Variants in BCAS3 observed in about 807,000 individuals in gnomAD.
BCAS3 encodes the protein BCAS3 microtubule associated cell migration factor, also known as BCAS4/BCAS3 fusion.
Under a neutral mutation model 116.1 loss-of-function variants are expected in BCAS3, and 53 were observed. The observed-to-expected ratio is 0.46, with a 90% CI of 0.37 to 0.57. BCAS3 has a LOEUF of 0.57. BCAS3 is among the 20% of genes least tolerant of loss of function. BCAS3 has a pLI of 0.00. For missense variants in BCAS3, 917 were observed against 1,165.4 expected (o/e 0.79, Z 3.10); for synonymous variants, 391 against 408.2 (o/e 0.96, Z 0.51).
intron 9 of BCAS3, among the ~76,000 whole-genome samples, chr17:60,879,376 C>G (rs911580194): frequency 6.6e-6 from 1 of 152,068 alleles, no homozygotes; most frequent in Admixed American, 6.5e-5. Flanking sequence ...ACAGCTGTGT[C>G]CATCAGAGCA....
rs1568424892 is a variant in BCAS3 at position 61,134,658 on chromosome 17, C to T, written c.2425+50094C>T. Among the ~76,000 whole-genome samples, 1 of 152,162 alleles carries T rather than the reference C, an allele frequency of 6.6e-6. No individual in the cohort carries two copies. The highest frequency in any genetic ancestry group is 1.5e-5 in the Non-Finnish European group (1 of 68,028). ...TAATGACATTTCAAGTTAATGATAG[C>T]TAGCATTGATGGAGCCTGTACTATA... On this transcript the variant is annotated intron_variant, in intron 22 of 23. Coordinates refer to ENST00000407086, the MANE Select transcript of BCAS3 (RefSeq NM_017679.5). The surrounding 1 kb of genome is among the most constrained non-coding windows in gnomAD (Gnocchi z 4.6).
At chr17:61,184,524 T>C (rs1238308579) in intron 22 of BCAS3, among the ~76,000 whole-genome samples, 1 of 152,178 alleles carries the variant, frequency 6.6e-6, no homozygotes, top group Non-Finnish European at 1.5e-5. Flanking sequence ...CAAAATGGTA[T>C]GTCCACTTTT....
intron 22 of BCAS3, among the ~76,000 whole-genome samples, chr17:61,295,393 A>C (rs2052795065): frequency 6.6e-6 from 1 of 152,238 alleles, no homozygotes; most frequent in Non-Finnish European, 1.5e-5. Context: ...GGATGAGCAG[A>C]GAACCCCTGT....
intron 8 of BCAS3, among the ~76,000 whole-genome samples, chr17:60,874,456 T>G (rs2055405529): frequency 6.6e-6 from 1 of 152,182 alleles, no homozygotes; most frequent in African/African-American, 2.4e-5. Flanking sequence ...TCTATCTTAT[T>G]TATATATAGG....
intron 22 of BCAS3, among the ~76,000 whole-genome samples, chr17:61,100,773 G>A (rs1367635020): frequency 6.6e-6 from 1 of 152,172 alleles, no homozygotes; most frequent in Non-Finnish European, 1.5e-5. Context: ...GAAGTGACAA[G>A]GAGACCATCT....
At chr17:61,197,516 G>A (rs2080552425) in intron 22 of BCAS3, among the ~76,000 whole-genome samples, 1 of 152,172 alleles carries the variant, frequency 6.6e-6, no homozygotes, top group Admixed American at 6.5e-5. Flanking sequence ...TTCTTGTAAT[G>A]ATCTGCCTGA....
intron 22 of BCAS3, among the ~76,000 whole-genome samples, chr17:61,298,790 C>CTTT: frequency 1.6e-5 from 2 of 124,188 alleles, no homozygotes; most frequent in African/African-American, 3.6e-5. Context: ...AGTCACATGC[C>CTTT]ATTATTTATT....
chr17:60,974,883 C>T (rs574649150), intron 14 of BCAS3, among the ~76,000 whole-genome samples: 11 of 151,766 alleles, frequency 7.2e-5, no homozygotes, highest in Non-Finnish European at 1.5e-4. Context: ...TTGAGTTTTT[C>T]TTCTTATGGC....
At chr17:61,310,502 C>G (rs1194055236) in intron 22 of BCAS3, among the ~76,000 whole-genome samples, 1 of 150,400 alleles carries the variant, frequency 6.6e-6, no homozygotes, top group African/African-American at 2.4e-5. Context: ...TGCAGTGAGC[C>G]GAGATCGTGC....
At chr17:60,958,578 G>T (rs574062863) in intron 14 of BCAS3, among the ~76,000 whole-genome samples, 1 of 152,282 alleles carries the variant, frequency 6.6e-6, no homozygotes, top group Admixed American at 6.5e-5. Context: ...CCATTTTCTT[G>T]TGCTAGAATA....
chr17:60,989,521 T>A (rs111930681), intron 14 of BCAS3, among the ~76,000 whole-genome samples: 6,152 of 151,984 alleles, frequency 0.04, 454 homozygotes, highest in African/African-American at 0.14. Context: ...TTTACATATG[T>A]TCTATGACTG....
At chr17:60,816,573 AG>A (rs967641277) in intron 7 of BCAS3, among the ~76,000 whole-genome samples, 193 of 152,264 alleles carry the variant, frequency 1.3e-3, no homozygotes, top group Non-Finnish European at 1.9e-3. Flanking sequence ...GCGGCTGGCC[AG>A]CTTTTCATTT....
intron 22 of BCAS3, among the ~76,000 whole-genome samples, chr17:61,197,497 G>A (rs1763384543): frequency 6.6e-6 from 1 of 152,182 alleles, no homozygotes; most frequent in Non-Finnish European, 1.5e-5. Context: ...GTTAGGTAAT[G>A]CATTTTCCTT....
chr17:61,207,357 T>C (rs142828291), intron 22 of BCAS3, among the ~76,000 whole-genome samples: 139 of 152,306 alleles, frequency 9.1e-4, no homozygotes, highest in African/African-American at 3.2e-3. Context: ...TTAATTCATT[T>C]AATCTTCATT....
intron 22 of BCAS3, among the ~76,000 whole-genome samples, chr17:61,142,419 T>A (rs922148236): frequency 1.1e-4 from 17 of 152,146 alleles, no homozygotes; most frequent in Admixed American, 7.9e-4. Context: ...TCAGAGAATT[T>A]TAAGAATGAA....
At chr17:60,772,229 C>T (rs1401292663) in intron 6 of BCAS3, among the ~76,000 whole-genome samples, 1 of 152,084 alleles carries the variant, frequency 6.6e-6, no homozygotes, top group Non-Finnish European at 1.5e-5. Context: ...TGTTTCCTGA[C>T]TTTTTAATGA....
intron 10 of BCAS3, among the ~76,000 whole-genome samples, chr17:60,900,975 AAG>A (rs1280402650): frequency 6.6e-6 from 1 of 151,898 alleles, no homozygotes; most frequent in Non-Finnish European, 1.5e-5. Context: ...TTGGGAGGCT[AAG>A]ACTGGTGCAT....
intron 11 of BCAS3, among the ~76,000 whole-genome samples, chr17:60,907,822 A>C (rs2058266120): frequency 6.6e-6 from 1 of 152,210 alleles, no homozygotes; most frequent in Admixed American, 6.5e-5. Flanking sequence ...TCAGATATAT[A>C]CATACTCTGT....
At chr17:60,851,642 T>A in intron 7 of BCAS3, 1 of 715,974 alleles carries the variant, frequency 1.4e-6, no homozygotes, top group Middle Eastern at 2.4e-4. Context: ...GAAAACAGGC[T>A]GAAAGAAACT....
Sources: gnomAD v4.1 joint callset for allele counts (sites outside exome capture counted in the v4.1 genomes callset) on GRCh38, gnomAD v4.1.1 for gene constraint, Gnocchi (gnomAD v3.1) non-coding constraint, MANE v1.5 for transcripts, NCBI Gene and HGNC (gene_info 2026-07-23, HGNC 2026-07-21) for gene names.